IQSEC1: variants seen among roughly 807,000 people sequenced by gnomAD.
IQSEC1 encodes IQ motif and Sec7 domain ArfGEF 1, also known as IQ motif and SEC7 domain-containing protein 1.
IQSEC1 carries 31 observed loss-of-function variants against 91.0 expected under a neutral mutation model. The observed-to-expected ratio is 0.34, with a 90% CI of 0.26 to 0.46. The LOEUF (loss-of-function observed/expected upper bound fraction) is 0.46, where lower values mean the gene tolerates loss of function less well. Among genes scored for constraint, IQSEC1 ranks in the 20% least tolerant of loss-of-function variants. The pLI, the probability that IQSEC1 is intolerant of heterozygous loss-of-function variation, is 1.00. For missense variants in IQSEC1, 1,388 were observed against 1,575.6 expected (o/e 0.88, Z 2.02); for synonymous variants, 699 against 662.6 (o/e 1.05, Z -0.84).
At chr3:13,060,160 T>C (rs907188138) in intron 1 of IQSEC1, among the ~76,000 whole-genome samples, 6 of 152,064 alleles carry the variant, frequency 3.9e-5, no homozygotes, top group African/African-American at 1.5e-4. Context: ...AGGAACAAGC[T>C]GGGGCTCAGA....
chr3:13,061,598 G>C (rs989868061), intron 1 of IQSEC1, among the ~76,000 whole-genome samples: 4 of 152,204 alleles, frequency 2.6e-5, no homozygotes, highest in Middle Eastern at 3.4e-3. Context: ...ATGACTCCAG[G>C]CCCTGTGCTG....
intron 1 of IQSEC1, among the ~76,000 whole-genome samples, chr3:13,251,492 C>A (rs972981241): frequency 3.3e-5 from 5 of 152,126 alleles, no homozygotes; most frequent in African/African-American, 1.2e-4. Flanking sequence ...AGAACCTTCA[C>A]ACTCAGGAAT....
In IQSEC1 at chr3:13,234,425, A is replaced by G. The variant is rs1694890180; in HGVS notation, c.272+48286T>C. On this transcript the variant is annotated intron_variant, in intron 1 of 15. Coordinates refer to the IQSEC1 transcript ENST00000648114. ...AGGAAGGGACCAAGACAATGGTTTA[A>G]GCTACACCACAGATGACACCTCTCC... Among the ~76,000 whole-genome samples, 2 of 152,170 alleles carry G rather than the reference A, an allele frequency of 1.3e-5. 1 individual carries two copies. Among genetic ancestry groups the G allele is most frequent in the South Asian group, 4.1e-4 (2 of 4,834 alleles).
At position 12,922,432 on chromosome 3, in the gene IQSEC1, G is replaced by T. The variant is rs1696718784; in HGVS notation, c.1731-190C>A. Among the ~76,000 whole-genome samples, 1 of 152,206 alleles carries T rather than the reference G, an allele frequency of 6.6e-6. No individual in the cohort carries two copies. The highest frequency in any genetic ancestry group is 1.5e-5 in the Non-Finnish European group (1 of 68,034). On this transcript the variant is annotated intron_variant, in intron 4 of 13. Coordinates refer to ENST00000613206, the MANE Select transcript of IQSEC1 (RefSeq NM_001134382.3). This position sits in a 1 kb window ranked among gnomAD's most constrained non-coding sequence, Gnocchi z 5.1. ...AAAAAGACCTCCAGTCTTCTGGGGA[G>T]CCCACAAAGCCCCTGGAACTGTAGG...
intron 1 of IQSEC1, among the ~76,000 whole-genome samples, chr3:12,973,378 G>A (rs932058431): frequency 2.6e-5 from 4 of 152,176 alleles, no homozygotes; most frequent in African/African-American, 9.7e-5. Context: ...CAGCTCAAAT[G>A]TCCCCTTCTC....
At chr3:13,233,136 T>C (rs1332088062) in intron 1 of IQSEC1, among the ~76,000 whole-genome samples, 1 of 152,244 alleles carries the variant, frequency 6.6e-6, no homozygotes, top group African/African-American at 2.4e-5. Flanking sequence ...AATGTTACGC[T>C]GTGTATTTTA....
At chr3:12,917,243 C>T (rs1559619290) in intron 6 of IQSEC1, among the ~76,000 whole-genome samples, 1 of 152,204 alleles carries the variant, frequency 6.6e-6, no homozygotes, top group Non-Finnish European at 1.5e-5. Context: ...TACACGGACA[C>T]ATCAGCGTCA....
intron 2 of IQSEC1, among the ~76,000 whole-genome samples, chr3:13,128,730 A>C (rs1182374685): frequency 6.6e-6 from 1 of 152,050 alleles, no homozygotes; most frequent in Non-Finnish European, 1.5e-5. Flanking sequence ...AACAAAAAAG[A>C]GCCGGGCGTG....
At chr3:13,185,364 T>C (rs1231888267) in intron 1 of IQSEC1, among the ~76,000 whole-genome samples, 3 of 152,190 alleles carry the variant, frequency 2.0e-5, no homozygotes, top group African/African-American at 7.2e-5. Flanking sequence ...ACCTGTCCTA[T>C]TGCCCCTTCT....
rs147921008 is a variant in IQSEC1, at chr3:13,038,630, C to T, written c.23+34362G>A. 3.0e-4 allele frequency among the ~76,000 whole-genome samples: 45 copies of T among 152,014 alleles called. 1 individual carries two copies. Among genetic ancestry groups the T allele is most frequent in the African/African-American group, 7.5e-4 (31 of 41,426 alleles). ...TATAGCCAATAATAACTGATTTGTACGTCTTAAAAATAATTGAAAGAGTAT... is the reference window on the plus strand; with the variant it reads ...TATAGCCAATAATAACTGATTTGTATGTCTTAAAAATAATTGAAAGAGTAT... On this transcript the variant is annotated intron_variant, in intron 1 of 13. Coordinates refer to ENST00000613206, the MANE Select transcript of IQSEC1 (RefSeq NM_001134382.3).
In IQSEC1 at chr3:13,282,480, C is replaced by T. The variant is rs140919985; in HGVS notation, c.272+231G>A. ...GGAGCGCTGAGCAGCTCCCTGGAGCCCTTTTCCAGGGAACCCAGTCCCCAC... is the reference window on the plus strand; with the variant it reads ...GGAGCGCTGAGCAGCTCCCTGGAGCTCTTTTCCAGGGAACCCAGTCCCCAC... On this transcript the variant is annotated intron_variant, in intron 1 of 15. Transcript: ENST00000648114. The surrounding 1 kb of genome is among the most constrained non-coding windows in gnomAD (Gnocchi z 6.4). 2.9e-3 allele frequency among the ~76,000 whole-genome samples: 442 copies of T among 152,148 alleles called. 3 individuals are homozygous for T. The highest frequency in any genetic ancestry group is 0.01 in the African/African-American group (418 of 41,562).
chr3:13,009,676 T>C (rs1327801891), intron 1 of IQSEC1, among the ~76,000 whole-genome samples: 1 of 151,826 alleles, frequency 6.6e-6, no homozygotes, highest in Non-Finnish European at 1.5e-5. Flanking sequence ...TATGTGTGTG[T>C]GTGTGTGTGT....
chr3:12,901,313 C>T lies in IQSEC1; in HGVS notation c.3015G>A (p.Gln1005=), dbSNP rs1289480348. ...CCAGGTGGTGGCCAGCCACAGAGTG[C>T]TGCAAGTGAGGCAGGACCACCGGTG... ...PHPPVVLPHL[Q]HSVAGHHLGP... is the part of the protein sequence containing the mutation. Residue 1005 remains glutamine, a synonymous_variant, in exon 14 of 14, where the codon CAG becomes CAA. Coordinates refer to ENST00000613206, the MANE Select transcript of IQSEC1 (RefSeq NM_001134382.3). 3.9e-6 allele frequency: 6 copies of T among 1,538,864 alleles called. No individual in the cohort carries two copies. Among genetic ancestry groups the T allele is most frequent in the Non-Finnish European group, 5.2e-6 (6 of 1,142,996 alleles).
chr3:13,049,672 TTTCTTCC>T (rs1384208378), intron 1 of IQSEC1, among the ~76,000 whole-genome samples: 10 of 152,186 alleles, frequency 6.6e-5, no homozygotes, highest in Non-Finnish European at 8.8e-5. Context: ...AGCGGACTCC[TTTCTTCC>T]TTCTTCCTTT....
chr3:12,989,220 C>G (rs1701879889), intron 1 of IQSEC1, among the ~76,000 whole-genome samples: 1 of 152,220 alleles, frequency 6.6e-6, no homozygotes, highest in South Asian at 2.1e-4. Context: ...CTTTCGGTCT[C>G]TTTTGCTCCA....
chr3:13,128,002 T>C (rs1222265328), intron 2 of IQSEC1, among the ~76,000 whole-genome samples: 2 of 152,278 alleles, frequency 1.3e-5, no homozygotes, highest in Admixed American at 1.3e-4. Flanking sequence ...TCTGTGTGTG[T>C]GTGCTGATCA....
chr3:13,174,504 C>A (rs1420409300), intron 1 of IQSEC1, among the ~76,000 whole-genome samples: 1 of 152,160 alleles, frequency 6.6e-6, no homozygotes, highest in South Asian at 2.1e-4. Context: ...CCACCCGTCC[C>A]AGCGCTCAGG....
intron 2 of IQSEC1, among the ~76,000 whole-genome samples, chr3:13,092,042 G>A (rs181779773): frequency 1.6e-3 from 237 of 152,294 alleles, no homozygotes; most frequent in Admixed American, 4.6e-3. Context: ...AGGCCAGGAG[G>A]AAGCTAAGCA....
intron 13 of IQSEC1, among the ~76,000 whole-genome samples, chr3:12,902,180 C>G (rs1466965370): frequency 1.3e-5 from 2 of 152,144 alleles, no homozygotes; most frequent in Admixed American, 6.5e-5. Context: ...AACAGTAATA[C>G]AGAGATGGCC....
Sources: allele counts gnomAD v4.1 joint callset (sites outside exome capture counted in the v4.1 genomes callset), GRCh38; gene constraint gnomAD v4.1.1; non-coding constraint Gnocchi (gnomAD v3.1); transcripts MANE v1.5; gene names NCBI Gene and HGNC (gene_info 2026-07-23, HGNC 2026-07-21).